CMKLR2: variants seen among roughly 807,000 people sequenced by gnomAD.
CMKLR2 encodes chemerin chemokine-like receptor 2, also known as chemerin-like receptor 2.
In CMKLR2, 18 loss-of-function variants were observed where a neutral mutation model predicts 23.0. The ratio of observed to expected loss-of-function variants is 0.78; its 90% CI spans 0.54 to 1.16. The LOEUF (loss-of-function observed/expected upper bound fraction) is 1.16, where lower values mean the gene tolerates loss of function less well. CMKLR2 is among the 50% of genes most tolerant of loss of function. The probability of loss-of-function intolerance (pLI) is 0.00; values close to 1 mark genes in which losing one functional copy is unlikely to be tolerated. For synonymous variants in CMKLR2, 158 were observed against 158.9 expected (o/e 0.99, Z 0.05); for missense variants, 401 against 412.7 (o/e 0.97, Z 0.25).
chr2:206,204,542 CGTTTTTGTTTTTT>C (rs375273269), intron 1 of CMKLR2, among the ~76,000 whole-genome samples: 10 of 151,674 alleles, frequency 6.6e-5, no homozygotes, highest in African/African-American at 1.9e-4. Flanking sequence ...TACTGTTTTC[CGTTTTTGTTTTTT>C]GTTTTTGTTT....
upstream of CMKLR2, among the ~76,000 whole-genome samples, chr2:206,216,397 T>C (rs1405724052): frequency 6.6e-6 from 1 of 152,158 alleles, no homozygotes. Flanking sequence ...GAGGTTGCAG[T>C]GAGCCAAGAT....
At chr2:206,206,589 A>G (rs1422521061) in intron 1 of CMKLR2, among the ~76,000 whole-genome samples, 2 of 152,200 alleles carry the variant, frequency 1.3e-5, no homozygotes, top group Non-Finnish European at 2.9e-5. Context: ...CCTAGCCTAA[A>G]TCAGGGCCCC....
intron 1 of CMKLR2, among the ~76,000 whole-genome samples, chr2:206,192,163 A>G (rs1490678988): frequency 6.6e-6 from 1 of 151,366 alleles, no homozygotes; most frequent in African/African-American, 2.4e-5. Flanking sequence ...ATTTTTTAGT[A>G]GAGATGGGGT....
At chr2:206,178,243 C>T (rs1338688697) in intron 1 of CMKLR2, among the ~76,000 whole-genome samples, 1 of 152,118 alleles carries the variant, frequency 6.6e-6, no homozygotes, top group African/African-American at 2.4e-5. Context: ...CCAGCCTGGG[C>T]AACAGAGCAG....
intron 1 of CMKLR2, among the ~76,000 whole-genome samples, chr2:206,179,662 C>T (rs1182073703): frequency 6.6e-6 from 1 of 152,106 alleles, no homozygotes; most frequent in African/African-American, 2.4e-5. Context: ...ACCAGTTTTT[C>T]TGGGTTAAGA....
intron 1 of CMKLR2, among the ~76,000 whole-genome samples, chr2:206,188,330 C>T (rs1576045127): frequency 6.6e-6 from 1 of 152,270 alleles, no homozygotes; most frequent in East Asian, 1.9e-4. Flanking sequence ...TTGAGATGTC[C>T]ATGTAGTTTT....
intron 1 of CMKLR2, among the ~76,000 whole-genome samples, chr2:206,206,682 G>A (rs1689329588): frequency 6.6e-6 from 1 of 152,136 alleles, no homozygotes. Context: ...CCACCAACCT[G>A]TGGTTTTGCT....
At chr2:206,212,298 T>C (rs558508853) in intron 1 of CMKLR2, among the ~76,000 whole-genome samples, 1 of 151,766 alleles carries the variant, frequency 6.6e-6, no homozygotes, top group South Asian at 2.1e-4. Flanking sequence ...AAAAACATAA[T>C]AATCTAGTGT....
chr2:206,206,091 A>T (rs1315719163), intron 1 of CMKLR2, among the ~76,000 whole-genome samples: 3 of 152,222 alleles, frequency 2.0e-5, no homozygotes, highest in Non-Finnish European at 2.9e-5. Context: ...AAAACCCAAA[A>T]GGAAGATCAT....
intron 1 of CMKLR2, among the ~76,000 whole-genome samples, chr2:206,180,622 T>C (rs1173030642): frequency 6.6e-6 from 1 of 151,814 alleles, no homozygotes; most frequent in African/African-American, 2.4e-5. Context: ...TTTGTAGAGA[T>C]GGGGTCTTGT....
At chr2:206,183,716 G>A (rs1216872273) in intron 1 of CMKLR2, among the ~76,000 whole-genome samples, 2 of 152,136 alleles carry the variant, frequency 1.3e-5, no homozygotes, top group Non-Finnish European at 2.9e-5. Context: ...TGATGGTGAG[G>A]GGTAGGGATA....
rs1576027217 is a variant in CMKLR2, at chr2:206,175,626, T to G, written c.*554A>C. On this transcript the variant is annotated 3_prime_UTR_variant, in exon 2 of 2. Transcript: ENST00000621141. ...GATTCTCCTGCTTCAGCCTCCCGAG[T>G]AGCTGGGTTTGCAGACATGCACCAC... 1 of 152,180 alleles carries G rather than the reference T, an allele frequency of 6.6e-6. No individual in the cohort carries two copies. The highest frequency in any genetic ancestry group is 1.5e-5 in the Non-Finnish European group (1 of 68,086). 9.4% of individuals were successfully genotyped at this position (152,180 alleles called of 1,614,324 possible). A position where few individuals can be genotyped will look rare whatever the true frequency, so the allele number is the denominator to read the frequency against.
intron 1 of CMKLR2, chr2:206,203,721 A>G (rs1689200813): frequency 6.6e-6 from 1 of 152,228 alleles, no homozygotes; most frequent in Non-Finnish European, 1.5e-5. Flanking sequence ...GATCTAGCGA[A>G]CTAATGAATG....
At chr2:206,211,764 T>TAAA (rs1479309433) in intron 1 of CMKLR2, among the ~76,000 whole-genome samples, 1 of 122,334 alleles carries the variant, frequency 8.2e-6, no homozygotes, top group Non-Finnish European at 1.8e-5. Flanking sequence ...ACACACACAT[T>TAAA]AAAAAAAGAA....
At chr2:206,200,367 G>A (rs750227286) in intron 1 of CMKLR2, among the ~76,000 whole-genome samples, 17 of 152,088 alleles carry the variant, frequency 1.1e-4, no homozygotes, top group Non-Finnish European at 2.2e-4. Context: ...AGGATGCGGT[G>A]AGCCGAGATG....
chr2:206,204,811 T>A (rs1221053281), intron 1 of CMKLR2, among the ~76,000 whole-genome samples: 1 of 152,220 alleles, frequency 6.6e-6, no homozygotes, highest in African/African-American at 2.4e-5. Context: ...CACAAAATAA[T>A]GGTTTCCTGC....
Position 206,176,402 on chromosome 2 carries a change from C to T in CMKLR2, c.846G>A (p.Met282Ile), listed in dbSNP as rs747533227. ...IHHNSYSHHV[M>I]QAGIPLSTGL... is the part of the protein sequence containing the mutation. ...CAGTGGAGAGGGGGATTCCAGCCTG[C>T]ATCACATGGTGGGAATAGCTATTGT... Residue 282 changes from methionine (M) to isoleucine (I), a missense_variant, in exon 2 of 2, where the codon ATG (methionine) becomes ATA (isoleucine). Met to Ile is a conservative substitution (Grantham distance 10, BLOSUM62 1). Coordinates refer to ENST00000621141, the MANE Select transcript of CMKLR2 (RefSeq NM_001389445.1). 1.9e-6 allele frequency: 3 copies of T among 1,614,130 alleles called. No individual in the cohort carries two copies. The highest frequency in any genetic ancestry group is 2.2e-5 in the South Asian group (2 of 91,076).
chr2:206,211,823 A>G (rs1689577655), intron 1 of CMKLR2, among the ~76,000 whole-genome samples: 1 of 123,232 alleles, frequency 8.1e-6, no homozygotes, highest in Non-Finnish European at 1.6e-5. Flanking sequence ...TACCCATCTG[A>G]GTCACTTTTT....
chr2:206,216,435 C>T (rs1053909276), upstream of CMKLR2, among the ~76,000 whole-genome samples: 2 of 152,162 alleles, frequency 1.3e-5, no homozygotes, highest in Non-Finnish European at 2.9e-5. Flanking sequence ...GTCTGGGCGA[C>T]AGAGCAAGAC....
Sources: gnomAD v4.1 joint callset for allele counts (sites outside exome capture counted in the v4.1 genomes callset) on GRCh38, gnomAD v4.1.1 for gene constraint, MANE v1.5 for transcripts, NCBI Gene and HGNC (gene_info 2026-07-23, HGNC 2026-07-21) for gene names.